PTPRD: variants seen among roughly 807,000 people sequenced by gnomAD.
PTPRD encodes the protein protein tyrosine phosphatase receptor type D, also known as receptor-type tyrosine-protein phosphatase delta.
A neutral mutation model predicts 214.5 loss-of-function variants in PTPRD; 34 were observed. That is an observed-to-expected ratio of 0.16 (90% CI 0.12 to 0.21). The LOEUF (loss-of-function observed/expected upper bound fraction) is 0.21. Among genes scored for constraint, PTPRD ranks in the 10% least tolerant of loss-of-function variants. The pLI is 1.00. For synonymous variants in PTPRD, 1,128 were observed against 845.7 expected, an observed-to-expected ratio of 1.33 and a Z score of -5.79; for missense variants, 2,545 against 2,398.7, an observed-to-expected ratio of 1.06 and a Z score of -1.27.
chr9:9,143,328 G>C (rs564142797), intron 10 of PTPRD, among the ~76,000 whole-genome samples: 1 of 152,248 alleles, frequency 6.6e-6, no homozygotes, highest in African/African-American at 2.4e-5. Context: ...TCAGTGGTTA[G>C]AATTCAGCAA....
chr9:9,549,050 C>A (rs1213327162), intron 8 of PTPRD, among the ~76,000 whole-genome samples: 2 of 152,030 alleles, frequency 1.3e-5, no homozygotes, highest in Non-Finnish European at 2.9e-5. Flanking sequence ...GAATATATCT[C>A]TTTTCAAGAG....
intron 11 of PTPRD, chr9:8,958,619 G>C (rs765582364): frequency 1.3e-5 from 2 of 151,968 alleles, no homozygotes; most frequent in Non-Finnish European, 2.9e-5. Context: ...GTAAATATTT[G>C]AGAAACGGAC....
intron 8 of PTPRD, among the ~76,000 whole-genome samples, chr9:9,418,052 C>A (rs1293010059): frequency 6.6e-6 from 1 of 152,064 alleles, no homozygotes; most frequent in African/African-American, 2.4e-5. Context: ...TGTTCTGAGT[C>A]CTACAGCTTT....
chr9:9,350,182 G>C (rs1263491275), intron 9 of PTPRD, among the ~76,000 whole-genome samples: 3 of 152,002 alleles, frequency 2.0e-5, no homozygotes, highest in Non-Finnish European at 4.4e-5. Context: ...ATAAAAAAAT[G>C]TTCCTCTCCT....
chr9:8,829,026 T>C (rs2097230814), intron 11 of PTPRD, among the ~76,000 whole-genome samples: 1 of 152,220 alleles, frequency 6.6e-6, no homozygotes, highest in Non-Finnish European at 1.5e-5. Flanking sequence ...ATGCATCCAT[T>C]TTAAATTTAC....
Position 8,484,495 on chromosome 9 carries a change from G to A in PTPRD, c.3154-117C>T. 3 of 1,080,752 alleles carry A rather than the reference G, an allele frequency of 2.8e-6. 1 individual carries two copies. Among genetic ancestry groups the A allele is most frequent in the South Asian group, 3.5e-5 (2 of 57,282 alleles). 66.9% of individuals were successfully genotyped at this position (1,080,752 alleles called of 1,614,324 possible). On this transcript the variant is annotated intron_variant, in intron 29 of 45. Coordinates refer to ENST00000381196, the MANE Select transcript of PTPRD (RefSeq NM_002839.4). ...TATATATAGTCAATTCTAATTTTAGGTGATTTCTAAGTCCATGAGTAGTCA... is the reference window on the plus strand; with the variant it reads ...TATATATAGTCAATTCTAATTTTAGATGATTTCTAAGTCCATGAGTAGTCA...
intron 21 of PTPRD, among the ~76,000 whole-genome samples, chr9:8,516,797 ACTTTTTTTTTTTT>A (rs763261175): frequency 7.2e-6 from 1 of 139,362 alleles, no homozygotes; most frequent in Non-Finnish European, 1.5e-5. Flanking sequence ...TCAAGAATAA[ACTTTTTTTTTTTT>A]TTTTTTTTTT....
chr9:10,545,335 C>T (rs1052614752), intron 2 of PTPRD, among the ~76,000 whole-genome samples: 3 of 152,104 alleles, frequency 2.0e-5, no homozygotes, highest in Non-Finnish European at 4.4e-5. Flanking sequence ...AATTGTGTGG[C>T]TGTATTGTTA....
chr9:9,556,595 G>A (rs1273292023), intron 8 of PTPRD, among the ~76,000 whole-genome samples: 2 of 152,110 alleles, frequency 1.3e-5, no homozygotes, highest in African/African-American at 4.8e-5. Context: ...TAGATCCTCA[G>A]TTAATAATTT....
chr9:9,640,459 C>G lies in PTPRD; in HGVS notation c.-286-65678G>C, dbSNP rs2095903029. Among the ~76,000 whole-genome samples the G allele has an allele frequency of 2.6e-5, 4 of 152,164 alleles. No homozygotes were observed. The South Asian group carries it at 8.3e-4, about 31-fold the overall frequency. Reference sequence around the variant, plus strand: ...TCTCTATATTCTGCCCTGCCAGAAGCCTCTGCACTTTTCATTTAGTTGAGG... The same window carrying G: ...TCTCTATATTCTGCCCTGCCAGAAGGCTCTGCACTTTTCATTTAGTTGAGG... On this transcript the variant is annotated intron_variant, in intron 7 of 45. Transcript: ENST00000381196.
At chr9:10,242,677 A>G (rs1362823912) in intron 3 of PTPRD, among the ~76,000 whole-genome samples, 1 of 66,786 alleles carries the variant, frequency 1.5e-5, no homozygotes, top group Non-Finnish European at 2.9e-5. Context: ...AATCAGCTTA[A>G]GGGCTTACTT....
intron 2 of PTPRD, among the ~76,000 whole-genome samples, chr9:10,410,767 A>T (rs72698978): frequency 5.3e-5 from 8 of 151,906 alleles, no homozygotes; most frequent in Non-Finnish European, 1.2e-4. Context: ...AAAAGTAAAG[A>T]AGTGTAAGAG....
At chr9:10,488,183 C>T (rs913771865) in intron 2 of PTPRD, among the ~76,000 whole-genome samples, 19 of 151,760 alleles carry the variant, frequency 1.3e-4, no homozygotes, top group South Asian at 6.2e-4. Flanking sequence ...CTGGCTAACA[C>T]GATGAAACCC....
chr9:9,617,705 A>C (rs1389464467), intron 7 of PTPRD, among the ~76,000 whole-genome samples: 1 of 152,092 alleles, frequency 6.6e-6, no homozygotes, highest in African/African-American at 2.4e-5. Context: ...CCAGTGTAAG[A>C]GATTAGGATG....
intron 5 of PTPRD, among the ~76,000 whole-genome samples, chr9:9,876,928 G>C (rs78798986): frequency 0.06 from 9,058 of 152,160 alleles, 850 homozygotes; most frequent in African/African-American, 0.2. Flanking sequence ...TATTTAAATA[G>C]ACTAATTTTA....
At chr9:8,550,908 C>T (rs549875225) in intron 14 of PTPRD, among the ~76,000 whole-genome samples, 10 of 152,294 alleles carry the variant, frequency 6.6e-5, no homozygotes, top group South Asian at 4.1e-4. Flanking sequence ...ATTCTCTCCA[C>T]GGGCCTGTCT....
intron 2 of PTPRD, among the ~76,000 whole-genome samples, chr9:10,542,443 A>G (rs995619027): frequency 1.3e-5 from 2 of 152,196 alleles, no homozygotes; most frequent in Non-Finnish European, 2.9e-5. Flanking sequence ...ATTCTCAACC[A>G]TGACCTCTAA....
At chr9:9,971,409 G>A (rs143558286) in intron 4 of PTPRD, among the ~76,000 whole-genome samples, 1 of 152,068 alleles carries the variant, frequency 6.6e-6, no homozygotes, top group African/African-American at 2.4e-5. Context: ...TCATTTTGAA[G>A]GTAGAAGATT....
chr9:9,160,065 A>G (rs866504332), intron 10 of PTPRD, among the ~76,000 whole-genome samples: 4 of 152,178 alleles, frequency 2.6e-5, no homozygotes, highest in South Asian at 4.1e-4. Flanking sequence ...AATGGATTAA[A>G]GATTTAAATG....
Sources: gnomAD v4.1 joint callset for allele counts (sites outside exome capture counted in the v4.1 genomes callset) on GRCh38, gnomAD v4.1.1 for gene constraint, MANE v1.5 for transcripts, NCBI Gene and HGNC (gene_info 2026-07-23, HGNC 2026-07-21) for gene names.